FAM163A: variants seen among roughly 807,000 people sequenced by gnomAD.
The protein encoded by FAM163A is family with sequence similarity 163 member A, also known as protein FAM163A.
A neutral mutation model predicts 12.0 loss-of-function variants in FAM163A; 7 were observed. That is an observed-to-expected ratio of 0.58 (90% CI 0.33 to 1.10). FAM163A has a LOEUF of 1.10. Among genes scored for constraint, FAM163A ranks in the 50% least tolerant of loss-of-function variants. The pLI, the probability that FAM163A is intolerant of heterozygous loss-of-function variation, is 0.03. For missense variants in FAM163A, 202 were observed against 218.6 expected, an observed-to-expected ratio of 0.92 and a Z score of 0.48; for synonymous variants, 101 against 91.0, an observed-to-expected ratio of 1.11 and a Z score of -0.62.
intron 4 of FAM163A, 28 bp downstream of exon 4, chr1:179,813,218 G>A: frequency 6.5e-7 from 1 of 1,546,646 alleles, no homozygotes; most frequent in Non-Finnish European, 8.8e-7. Flanking sequence ...GTAGCCAGAG[G>A]CTGCCAGGCC....
chr1:179,811,654 A>G (rs1026045937), intron 2 of FAM163A, among the ~76,000 whole-genome samples: 3 of 152,184 alleles, frequency 2.0e-5, no homozygotes, highest in African/African-American at 4.8e-5. Flanking sequence ...TGGACATGTG[A>G]TATCTTTGGG....
chr1:179,794,612 G>A (rs1260361881), intron 1 of FAM163A, among the ~76,000 whole-genome samples: 1 of 152,130 alleles, frequency 6.6e-6, no homozygotes, highest in African/African-American at 2.4e-5. Context: ...GTAATCCTCT[G>A]CTTTTGTGAG....
At position 179,813,861 on chromosome 1, in the gene FAM163A, G is replaced by A. The variant is rs771190175; in HGVS notation, c.176G>A (p.Gly59Asp). The A allele has an allele frequency of 1.9e-6, 3 of 1,613,982 alleles. No individual in the cohort carries two copies. Among genetic ancestry groups the A allele is most frequent in the South Asian group, 2.2e-5 (2 of 91,084 alleles). ...REHDLPTHPRGPTCNACSSQA... is the reference protein window; with the variant it reads ...REHDLPTHPRDPTCNACSSQA... ...CACGACCTTCCCACGCATCCCAGAG[G>A]CCCCACCTGCAATGCCTGCAGCTCC... The change falls in exon 5 of 5, where the codon GGC becomes GAC. Residue 59 changes from glycine (G) to aspartate (D), a missense_variant. Physicochemically the swap from Gly to Asp is moderately conservative, Grantham distance 94 (BLOSUM62 -1). Coordinates refer to ENST00000341785, the MANE Select transcript of FAM163A (RefSeq NM_173509.3).
At chr1:179,787,223 A>G (rs564387185) in intron 1 of FAM163A, among the ~76,000 whole-genome samples, 2 of 152,316 alleles carry the variant, frequency 1.3e-5, no homozygotes, top group East Asian at 1.9e-4. Context: ...AATTTGTAGT[A>G]AATAGAGAGC....
intron 1 of FAM163A, among the ~76,000 whole-genome samples, chr1:179,788,269 C>A (rs1253196447): frequency 6.6e-6 from 1 of 152,214 alleles, no homozygotes; most frequent in African/African-American, 2.4e-5. Context: ...CTCTTTCCCA[C>A]CACCCACTCA....
At chr1:179,732,671 C>G in the FAM163A span, among the ~76,000 whole-genome samples, 2 of 151,808 alleles carry the variant, frequency 1.3e-5, no homozygotes, top group Non-Finnish European at 2.9e-5. Flanking sequence ...CACTTGAGCT[C>G]AGGGGCGGAG....
At chr1:179,736,989 C>T in the FAM163A span, among the ~76,000 whole-genome samples, 2 of 151,942 alleles carry the variant, frequency 1.3e-5, no homozygotes, top group Non-Finnish European at 2.9e-5. Flanking sequence ...AATTGAAAAC[C>T]ATATGATCCA....
At chr1:179,757,559 C>T (rs1025417109) in intron 1 of FAM163A, among the ~76,000 whole-genome samples, 3 of 152,164 alleles carry the variant, frequency 2.0e-5, no homozygotes, top group Non-Finnish European at 4.4e-5. Context: ...TGCCTGTAAC[C>T]CCAGCACCTT....
chr1:179,772,402 C>T (rs1571407379), intron 1 of FAM163A, among the ~76,000 whole-genome samples: 2 of 152,206 alleles, frequency 1.3e-5, no homozygotes, highest in South Asian at 2.1e-4. Flanking sequence ...TGTCTCCAGA[C>T]CATTGTCTAC....
chr1:179,731,606 C>G, the FAM163A span, among the ~76,000 whole-genome samples: 2 of 152,126 alleles, frequency 1.3e-5, no homozygotes, highest in Non-Finnish European at 2.9e-5. Context: ...ACTTGTGATG[C>G]CCACCTTGAG....
intron 1 of FAM163A, among the ~76,000 whole-genome samples, chr1:179,766,276 A>G (rs1408719127): frequency 6.6e-6 from 1 of 152,204 alleles, no homozygotes; most frequent in African/African-American, 2.4e-5. Context: ...CCGCTTTCCC[A>G]TAAAGAAATT....
intron 1 of FAM163A, among the ~76,000 whole-genome samples, chr1:179,775,474 A>G (rs758949386): frequency 2.6e-5 from 4 of 152,114 alleles, no homozygotes; most frequent in Non-Finnish European, 4.4e-5. Context: ...TTTTCCTTTC[A>G]ATTTAGTTCT....
At chr1:179,755,833 C>T (rs1314736142) in intron 1 of FAM163A, among the ~76,000 whole-genome samples, 2 of 152,046 alleles carry the variant, frequency 1.3e-5, no homozygotes, top group Non-Finnish European at 2.9e-5. Flanking sequence ...TCATGGTGAC[C>T]CCGCAATCCA....
At chr1:179,782,510 G>T (rs978822300) in intron 1 of FAM163A, among the ~76,000 whole-genome samples, 1 of 142,852 alleles carries the variant, frequency 7.0e-6, no homozygotes, top group Admixed American at 6.9e-5. Context: ...TCTGGTACTG[G>T]TAAGGCTGGC....
intron 2 of FAM163A, among the ~76,000 whole-genome samples, chr1:179,810,510 T>A (rs1694566990): frequency 6.6e-6 from 1 of 152,096 alleles, no homozygotes; most frequent in South Asian, 2.1e-4. Flanking sequence ...CCTGGAACTG[T>A]TTTCTCACAC....
At chr1:179,741,359 T>C (rs547591822), upstream of FAM163A, among the ~76,000 whole-genome samples, 3 of 152,360 alleles carry the variant, frequency 2.0e-5, no homozygotes, top group East Asian at 5.8e-4. Context: ...TGTGGCCACT[T>C]TGGAAAACAA....
At chr1:179,790,856 T>C (rs1347484419) in intron 1 of FAM163A, among the ~76,000 whole-genome samples, 1 of 152,118 alleles carries the variant, frequency 6.6e-6, no homozygotes, top group African/African-American at 2.4e-5. Context: ...TAGAAGAAAG[T>C]TGTGGGATAA....
At chr1:179,805,701 C>A (rs1693838429) in intron 1 of FAM163A, among the ~76,000 whole-genome samples, 2 of 152,232 alleles carry the variant, frequency 1.3e-5, no homozygotes, top group Admixed American at 1.3e-4. Context: ...CCGCCCTGTT[C>A]TCTCTTCCCT....
At chr1:179,801,557 G>A (rs1292657019) in intron 1 of FAM163A, among the ~76,000 whole-genome samples, 1 of 152,160 alleles carries the variant, frequency 6.6e-6, no homozygotes, top group African/African-American at 2.4e-5. Flanking sequence ...ATTTTCCCAG[G>A]TAATCCTCAC....
Sources: allele counts gnomAD v4.1 joint callset (sites outside exome capture counted in the v4.1 genomes callset), GRCh38; gene constraint gnomAD v4.1.1; transcripts MANE v1.5; gene names NCBI Gene and HGNC (gene_info 2026-07-23, HGNC 2026-07-21).